LCN1: variants seen among roughly 807,000 people sequenced by gnomAD.
LCN1 encodes lipocalin 1, also known as lipocalin-1.
Under a neutral mutation model 22.3 loss-of-function variants are expected in LCN1, and 25 were observed. The ratio of observed to expected loss-of-function variants is 1.12; its 90% CI spans 0.82 to 1.56. LCN1 has a LOEUF of 1.56. Ranked by LOEUF, LCN1 falls within the 40% of genes most tolerant of loss-of-function variation. The pLI is 0.00. For missense variants in LCN1, 219 were observed against 235.6 expected (o/e 0.93, Z 0.46); for synonymous variants, 85 against 97.6 (o/e 0.87, Z 0.76).
chr9:135,523,378 G>C, intron 3 of LCN1, 76 bp downstream of exon 3: 1 of 1,432,428 alleles, frequency 7.0e-7, no homozygotes, highest in Middle Eastern at 2.0e-4. Context: ...TGCCTTTTTG[G>C]GGTGGCCTTT....
chr9:135,524,488 G>A (rs898731407), intron 4 of LCN1, among the ~76,000 whole-genome samples: 1 of 152,212 alleles, frequency 6.6e-6, no homozygotes. Context: ...TCTCCCTGGA[G>A]CCAGGGGTGT....
chr9:135,526,483 C>T lies in LCN1; in HGVS notation c.*141C>T, dbSNP rs1564231875. Reference sequence around the variant, plus strand: ...CCCTTCCTACCACCCCCCGCCTTCCCCCTGCCCTGCGCCCCCTCTCCTGGT... The same window carrying T: ...CCCTTCCTACCACCCCCCGCCTTCCTCCTGCCCTGCGCCCCCTCTCCTGGT... On this transcript the variant is annotated 3_prime_UTR_variant, in exon 7 of 7. Coordinates refer to ENST00000371781, the MANE Select transcript of LCN1 (RefSeq NM_002297.4). The T allele has an allele frequency of 7.8e-7, 1 of 1,280,156 alleles. No individual in the cohort carries two copies. Among genetic ancestry groups the T allele is most frequent in the East Asian group, 5.7e-5 (1 of 17,670 alleles). 79.3% of individuals were successfully genotyped at this position (1,280,156 alleles called of 1,614,324 possible).
At position 135,523,917 on chromosome 9, in the gene LCN1, C is replaced by T. The variant is rs141009496; in HGVS notation, c.330C>T (p.His110=). The change falls in exon 4 of 7, where the codon CAC becomes CAT. Residue 110 remains histidine, a synonymous_variant. Coordinates refer to ENST00000371781, the MANE Select transcript of LCN1 (RefSeq NM_002297.4). ...ACGTGGCATACATCATCAGGTCGCA[C>T]GTGAAGGACCACTACATCTTTTACT... The part of the protein sequence containing the change: ...GKHVAYIIRS[H]VKDHYIFYCE... 19 of 1,613,996 alleles carry T rather than the reference C, an allele frequency of 1.2e-5. No homozygotes were observed. Among genetic ancestry groups the T allele is most frequent in the African/African-American group, 5.3e-5 (4 of 74,920 alleles).
chr9:135,524,773 G>A, intron 4 of LCN1, 57 bp from the exon 5 acceptor site: 1 of 1,366,640 alleles, frequency 7.3e-7, no homozygotes, highest in African/African-American at 1.4e-5. Context: ...GACTGGGATG[G>A]GGTGCCGTCG....
chr9:135,523,843 G>C, intron 3 of LCN1, 37 bp from the exon 4 acceptor site: 1 of 1,567,468 alleles, frequency 6.4e-7, no homozygotes, highest in Non-Finnish European at 8.8e-7. Flanking sequence ...GAAGTCCCTG[G>C]TGGCTAATTC....
intron 2 of LCN1, among the ~76,000 whole-genome samples, 188 bp from the exon 3 acceptor site, chr9:135,523,044 C>T (rs769391898): frequency 6.6e-6 from 1 of 152,182 alleles, no homozygotes; most frequent in Non-Finnish European, 1.5e-5. Context: ...TCTCGGGAGA[C>T]CCCGGGAACT....
At chr9:135,525,964 G>C (rs1056797279) in intron 6 of LCN1, among the ~76,000 whole-genome samples, 1 of 106,018 alleles carries the variant, frequency 9.4e-6, no homozygotes, top group Non-Finnish European at 1.9e-5. Flanking sequence ...CCGAGAGCCC[G>C]CATGTGCCTT....
intron 5 of LCN1, 62 bp from the exon 6 acceptor site, chr9:135,525,070 G>A: frequency 6.3e-7 from 1 of 1,589,246 alleles, no homozygotes; most frequent in Non-Finnish European, 8.6e-7. Flanking sequence ...TGGCTGATGA[G>A]GGGCCCCGGT....
intron 1 of LCN1, 96 bp from the exon 2 acceptor site, chr9:135,521,951 C>A: frequency 6.6e-7 from 1 of 1,514,268 alleles, no homozygotes; most frequent in African/African-American, 1.4e-5. Flanking sequence ...CCGTTTCCAG[C>A]CCTCGGGGTG....
At chr9:135,524,583 A>G (rs1240675700) in intron 4 of LCN1, among the ~76,000 whole-genome samples, 3 of 151,838 alleles carry the variant, frequency 2.0e-5, no homozygotes, top group Admixed American at 2.0e-4. Flanking sequence ...GTCCATCCTC[A>G]CTCCGGGAGA....
At chr9:135,525,570 T>G (rs996712791) in intron 6 of LCN1, among the ~76,000 whole-genome samples, 2 of 152,068 alleles carry the variant, frequency 1.3e-5, no homozygotes, top group Non-Finnish European at 2.9e-5. Context: ...GCTCGCTGTG[T>G]CAGATGGGCC....
chr9:135,522,002 T>C (rs773788130), intron 1 of LCN1, 45 bp from the exon 2 acceptor site: 7 of 1,582,516 alleles, frequency 4.4e-6, no homozygotes, highest in Non-Finnish European at 1.7e-6. Context: ...AGGGGGAGGC[T>C]CTGGAGCAGT....
chr9:135,521,973 A>C, intron 1 of LCN1, 74 bp from the exon 2 acceptor site: 1 of 1,556,326 alleles, frequency 6.4e-7, no homozygotes, highest in Non-Finnish European at 8.7e-7. Context: ...GGTAGAGTCT[A>C]GGGGCTGCAG....
intron 6 of LCN1, 34 bp from the exon 7 acceptor site, chr9:135,526,310 G>T: frequency 2.0e-6 from 2 of 1,013,128 alleles, no homozygotes; most frequent in Admixed American, 4.0e-5. Context: ...CACCCTTGCT[G>T]TCCTGGCCTC....
rs1337213705 is a variant in LCN1 at position 135,525,170 on chromosome 9, GCTT to G, written c.*1+13_*1+15del. On this transcript the variant is annotated intron_variant, in intron 6 of 6. Coordinates refer to ENST00000371781, the MANE Select transcript of LCN1 (RefSeq NM_002297.4). ...AGGGAGCGATTAGGGTGAGTGAACA[GCTT>G]TAGAGGACATTTGAGAAAATCCAGT... 6.2e-7 allele frequency: 1 copy of G among 1,612,596 alleles called. No homozygotes were observed.
Position 135,526,406 on chromosome 9 carries a change from CACAGGG to C in LCN1, c.*68_*73del, listed in dbSNP as rs776397582. 10 of 1,285,678 alleles carry C rather than the reference CACAGGG, an allele frequency of 7.8e-6. No homozygotes were observed. In the South Asian group the frequency reaches 9.9e-5, roughly 13 times the overall value. The allele number at this position is 1,285,678 out of a possible 1,614,324, so 79.6% of individuals were successfully genotyped here. On this transcript the variant is annotated 3_prime_UTR_variant, in exon 7 of 7. Transcript: ENST00000371781. ...GGCACCATCCAGCACCTCCGTCATT[CACAGGG>C]ACATGGAAAAAGCTCCCCACCCCTG... is the stretch of plus-strand genomic sequence containing the variant.
At chr9:135,521,654 C>G (rs1831498657) in intron 1 of LCN1, 67 bp downstream of exon 1, 3 of 1,350,008 alleles carry the variant, frequency 2.2e-6, no homozygotes, top group Admixed American at 2.1e-5. Context: ...GATGGAGACC[C>G]CATGCCTCCT....
In LCN1 at chr9:135,525,168, C is replaced by T; in HGVS notation, c.*1+10C>T. ...CCAGGGAGCGATTAGGGTGAGTGAA[C>T]AGCTTTAGAGGACATTTGAGAAAAT... On this transcript the variant is annotated intron_variant, in intron 6 of 6. Transcript: ENST00000371781. The T allele has an allele frequency of 6.2e-7, 1 of 1,613,240 alleles. No individual in the cohort carries two copies. Among genetic ancestry groups the T allele is most frequent in the Non-Finnish European group, 8.5e-7 (1 of 1,179,542 alleles).
intron 1 of LCN1, 131 bp downstream of exon 1, chr9:135,521,718 G>A: frequency 3.1e-6 from 2 of 652,732 alleles, no homozygotes; most frequent in East Asian, 4.8e-5. Context: ...TGCCCTGAGG[G>A]AATGGTGGGA....
Sources: allele counts gnomAD v4.1 joint callset (sites outside exome capture counted in the v4.1 genomes callset), GRCh38; gene constraint gnomAD v4.1.1; transcripts MANE v1.5; gene names NCBI Gene and HGNC (gene_info 2026-07-23, HGNC 2026-07-21).